The following RAD51 variants were observed in gnomAD, a reference collection of about 807,000 sequenced individuals.
The protein encoded by RAD51 is DNA repair protein RAD51 homolog 1.
A neutral mutation model predicts 41.5 loss-of-function variants in RAD51; 14 were observed. That is an observed-to-expected ratio of 0.34 (90% confidence interval 0.22 to 0.53). The LOEUF (loss-of-function observed/expected upper bound fraction) is 0.53, where lower values mean the gene tolerates loss of function less well. RAD51 is among the 20% of genes least tolerant of loss of function. RAD51 has a pLI of 0.95. For synonymous variants in RAD51, 136 were observed against 148.6 expected, an observed-to-expected ratio of 0.92 and a Z score of 0.62; for missense variants, 234 against 422.0, an observed-to-expected ratio of 0.55 and a Z score of 3.90.
chr15:40,725,459 A>G (rs190504454), intron 6 of RAD51, among the ~76,000 whole-genome samples: 34 of 152,338 alleles, frequency 2.2e-4, no homozygotes, highest in African/African-American at 7.9e-4. Flanking sequence ...GCTAATAAAA[A>G]TAGCCCTCTT....
In RAD51 at chr15:40,698,969, G is replaced by T. The variant is rs185541361; in HGVS notation, c.87+124G>T. 7.5e-6 allele frequency: 7 copies of T among 930,798 alleles called. No individual in the cohort carries two copies. The Admixed American group carries it at 9.8e-5, about 13-fold the overall frequency. The allele number at this position is 930,798 out of a possible 1,614,324, so 57.7% of individuals were successfully genotyped here. ...GTCAAGACCCAAATTAGACTTTTCAGAAGTGTTGTCAATAATCCTGTGGAA... is the reference window on the plus strand; with the variant it reads ...GTCAAGACCCAAATTAGACTTTTCATAAGTGTTGTCAATAATCCTGTGGAA... On this transcript the variant is annotated intron_variant, in intron 2 of 9. Transcript: ENST00000267868.
chr15:40,705,927 A>G (rs547839571), intron 3 of RAD51, among the ~76,000 whole-genome samples: 5 of 152,272 alleles, frequency 3.3e-5, no homozygotes, highest in Admixed American at 3.3e-4. Flanking sequence ...AGTTTTTAAA[A>G]CTATATTAAT....
intron 5 of RAD51, among the ~76,000 whole-genome samples, chr15:40,711,127 T>C (rs937232472): frequency 6.6e-6 from 1 of 152,146 alleles, no homozygotes; most frequent in Non-Finnish European, 1.5e-5. Context: ...CAGCATGGTG[T>C]TTCATGCCTG....
rs1896898643 is a variant in RAD51 at position 40,732,024 on chromosome 15, AGT to A, written c.*848_*849del. ...CTTAAGCCTGGAAGGTGGAAGTTGCAGTGAGTCGAGATTGCACTGCTGCATTC... is the reference window on the plus strand; with the variant it reads ...CTTAAGCCTGGAAGGTGGAAGTTGCAGAGTCGAGATTGCACTGCTGCATTC... On this transcript the variant is annotated 3_prime_UTR_variant, in exon 10 of 10. Transcript: ENST00000267868. The A allele has an allele frequency of 4.8e-6, 1 of 210,052 alleles. No homozygotes were observed. The highest frequency in any genetic ancestry group is 9.7e-6 in the Non-Finnish European group (1 of 103,548). The allele number at this position is 210,052 out of a possible 1,614,324, so 13.0% of individuals were successfully genotyped here. A position where few individuals can be genotyped will look rare whatever the true frequency, so the allele number is the denominator to read the frequency against.
chr15:40,714,470 G>T (rs117077494), intron 5 of RAD51, among the ~76,000 whole-genome samples: 11 of 152,188 alleles, frequency 7.2e-5, no homozygotes, highest in African/African-American at 2.4e-4. Flanking sequence ...ACACTCCAAA[G>T]TTGTACAAAT....
At chr15:40,702,939 C>T (rs1296473364) in intron 3 of RAD51, among the ~76,000 whole-genome samples, 1 of 152,042 alleles carries the variant, frequency 6.6e-6, no homozygotes, top group Non-Finnish European at 1.5e-5. Context: ...AAGGAATTCT[C>T]AGCCTGCTGA....
At chr15:40,716,809 C>T (rs1167011075) in intron 5 of RAD51, among the ~76,000 whole-genome samples, 4 of 151,390 alleles carry the variant, frequency 2.6e-5, no homozygotes, top group African/African-American at 4.8e-5. Flanking sequence ...TACAGGTGGC[C>T]GCCACCACGC....
chr15:40,704,721 G>A (rs561916611), intron 3 of RAD51, among the ~76,000 whole-genome samples: 4 of 149,558 alleles, frequency 2.7e-5, no homozygotes, highest in African/African-American at 9.9e-5. Context: ...TCAGGCTGGA[G>A]TGCAGTGGTG....
chr15:40,724,897 T>A (rs1447054118), intron 6 of RAD51, among the ~76,000 whole-genome samples: 11 of 124,050 alleles, frequency 8.9e-5, no homozygotes, highest in African/African-American at 3.1e-4. Context: ...TAATTTTTTT[T>A]TTTTTTTTTT....
At position 40,701,134 on chromosome 15, in the gene RAD51, C is replaced by G; in HGVS notation, c.158C>G (p.Ala53Gly). ...GGATTCCATACTGTGGAGGCTGTTG[C>G]CTATGCGCCAAAGAAGGAGCTAATA... ...EAGFHTVEAV[A>G]YAPKKELINI... is the part of the protein sequence containing the mutation. The change falls in exon 3 of 10, where the codon GCC becomes GGC. Residue 53 changes from alanine to glycine, a missense_variant. This residue lies in a region of RAD51 where 100 missense variants were observed against 135.5 expected (regional missense o/e 0.74). Transcript: ENST00000267868. The G allele has an allele frequency of 6.2e-7, 1 of 1,614,156 alleles. No homozygotes were observed. Among genetic ancestry groups the G allele is most frequent in the Non-Finnish European group, 8.5e-7 (1 of 1,180,020 alleles).
chr15:40,730,520 CT>C (rs778467789), intron 9 of RAD51, among the ~76,000 whole-genome samples: 12,501 of 112,988 alleles, frequency 0.11, 656 homozygotes, highest in African/African-American at 0.25. Context: ...AATTTTTTTT[CT>C]TTTTTTTTTT....
chr15:40,715,955 T>C (rs7178244), intron 5 of RAD51, among the ~76,000 whole-genome samples: 3,971 of 152,306 alleles, frequency 0.026, 168 homozygotes, highest in African/African-American at 0.092. Flanking sequence ...TCCAAGTCTT[T>C]CTTTAGGCAT....
intron 1 of RAD51, among the ~76,000 whole-genome samples, chr15:40,696,560 C>T (rs1052054843): frequency 1.3e-5 from 2 of 152,136 alleles, no homozygotes; most frequent in Admixed American, 1.3e-4. Flanking sequence ...TAGAGCAAGA[C>T]AAAATGAATA....
At chr15:40,704,830 C>G (rs533244383) in intron 3 of RAD51, among the ~76,000 whole-genome samples, 2 of 151,664 alleles carry the variant, frequency 1.3e-5, no homozygotes, top group African/African-American at 4.9e-5. Flanking sequence ...CCACCACGCC[C>G]GGCTAATTTT....
chr15:40,729,645 G>T lies in RAD51; in HGVS notation c.774+11G>T, dbSNP rs544542492. The T allele has an allele frequency of 6.2e-7, 1 of 1,613,464 alleles. No homozygotes were observed. Among genetic ancestry groups the T allele is most frequent in the East Asian group, 2.2e-5 (1 of 44,890 alleles). ...CGACTCGCTGATGAGGTAAGTTGTGGGATAGGGACAGAGAATGCCTACTTT... is the reference window on the plus strand; with the variant it reads ...CGACTCGCTGATGAGGTAAGTTGTGTGATAGGGACAGAGAATGCCTACTTT... On this transcript the variant is annotated intron_variant, in intron 8 of 9. Transcript: ENST00000267868.
At chr15:40,705,588 C>T (rs1595986115) in intron 3 of RAD51, among the ~76,000 whole-genome samples, 2 of 152,080 alleles carry the variant, frequency 1.3e-5, no homozygotes, top group Non-Finnish European at 2.9e-5. Context: ...GTACGGATCT[C>T]TAATAGTTTT....
At chr15:40,716,203 G>A (rs968791086) in intron 5 of RAD51, among the ~76,000 whole-genome samples, 1 of 152,010 alleles carries the variant, frequency 6.6e-6, no homozygotes, top group African/African-American at 2.4e-5. Flanking sequence ...CCATAAGGTC[G>A]GTTTTATTTA....
chr15:40,712,902 A>G (rs1431795916), intron 5 of RAD51, among the ~76,000 whole-genome samples: 1 of 127,384 alleles, frequency 7.9e-6, no homozygotes, highest in Non-Finnish European at 1.6e-5. Context: ...TTTTTGAGAA[A>G]GAGTCTTGCT....
chr15:40,699,815 C>A (rs1386239823), intron 2 of RAD51, among the ~76,000 whole-genome samples: 1 of 152,212 alleles, frequency 6.6e-6, no homozygotes, highest in Non-Finnish European at 1.5e-5. Context: ...TGAGGCCTTA[C>A]ACTATTTCTG....
Sources: gnomAD v4.1 joint callset for allele counts (sites outside exome capture counted in the v4.1 genomes callset) on GRCh38, gnomAD v4.1.1 for gene constraint, gnomAD v4.1.1 regional missense constraint, MANE v1.5 for transcripts, NCBI Gene and HGNC (gene_info 2026-07-23, HGNC 2026-07-21) for gene names.